The following ARHGAP8 variants were observed in gnomAD, a reference collection of about 807,000 sequenced individuals.
ARHGAP8 encodes rho GTPase-activating protein 8.
In ARHGAP8, 62 loss-of-function variants were observed where a neutral mutation model predicts 46.1. The ratio of observed to expected loss-of-function variants is 1.34; its 90% confidence interval spans 1.10 to 1.66. The LOEUF is 1.66. Ranked by LOEUF, ARHGAP8 falls within the 40% of genes most tolerant of loss-of-function variation. The pLI, the probability that ARHGAP8 is intolerant of heterozygous loss-of-function variation, is 0.00. For synonymous variants in ARHGAP8, 375 were observed against 243.1 expected, an observed-to-expected ratio of 1.54 and a Z score of -5.05; for missense variants, 923 against 568.4, an observed-to-expected ratio of 1.62 and a Z score of -6.34.
At position 44,790,676 on chromosome 22, in the gene ARHGAP8, C is replaced by CAAAAA. The variant is rs369579126; in HGVS notation, c.79+4089_79+4093dup. Among the ~76,000 whole-genome samples the CAAAAA allele has an allele frequency of 2.5e-3, 123 of 49,560 alleles. 3 individuals are homozygous for CAAAAA. Among genetic ancestry groups the CAAAAA allele is most frequent in the African/African-American group, 7.2e-3 (99 of 13,762 alleles). 32.5% of individuals were successfully genotyped at this position (49,560 alleles called of 152,430 possible). A position where few individuals can be genotyped will look rare whatever the true frequency, so the allele number is the denominator to read the frequency against. On this transcript the variant is annotated intron_variant, in intron 2 of 11. Coordinates refer to ENST00000356099, the MANE Select transcript of ARHGAP8 (RefSeq NM_181335.3). ...GGACAACAAGAGCAAAACTCTGTCT[C>CAAAAA]AAAAAAAAAAAAAAAAAAAAAAAGA...
intron 2 of ARHGAP8, among the ~76,000 whole-genome samples, chr22:44,789,440 T>C (rs886112703): frequency 1.3e-5 from 2 of 151,416 alleles, no homozygotes; most frequent in African/African-American, 4.9e-5. Flanking sequence ...TGTGAGCCAC[T>C]GCGCCCGGCC....
intron 1 of ARHGAP8, among the ~76,000 whole-genome samples, chr22:44,755,298 C>T (rs1030702271): frequency 1.3e-5 from 2 of 152,254 alleles, no homozygotes; most frequent in African/African-American, 4.8e-5. Context: ...CTGAGGTGTG[C>T]CTCCCACATG....
At position 44,797,314 on chromosome 22, in the gene ARHGAP8, C is replaced by T. The variant is rs945439497; in HGVS notation, c.80-4763C>T. The stretch of plus-strand genomic sequence containing the variant: ...GTTTCTTCAGTAGCCTTATAAATCA[C>T]CCATCACTTTAGGAGCAAAGTTGTT... On this transcript the variant is annotated intron_variant, in intron 2 of 11. Transcript: ENST00000356099. Among the ~76,000 whole-genome samples the T allele has an allele frequency of 2.6e-5, 4 of 151,138 alleles. No individual in the cohort carries two copies. The South Asian group carries it at 8.4e-4, about 32-fold the overall frequency.
intron 2 of ARHGAP8, chr22:44,801,851 G>T: frequency 5.2e-6 from 3 of 572,688 alleles, no homozygotes; most frequent in Non-Finnish European, 9.3e-6. Context: ...TCTGTAAAGT[G>T]GGGGGATTAT....
At chr22:44,762,290 G>A (rs558659733) in intron 1 of ARHGAP8, among the ~76,000 whole-genome samples, 1 of 152,182 alleles carries the variant, frequency 6.6e-6, no homozygotes, top group East Asian at 1.9e-4. Context: ...ACATGAAAAA[G>A]CCAGGTACAG....
intron 10 of ARHGAP8, among the ~76,000 whole-genome samples, chr22:44,859,053 C>T (rs145632522): frequency 4.6e-5 from 7 of 151,550 alleles, no homozygotes; most frequent in African/African-American, 1.7e-4. Context: ...AGATCTAAGC[C>T]ATGGGCCGTA....
chr22:44,763,797 CTTTTCTT>C (rs1925331145), intron 1 of ARHGAP8, among the ~76,000 whole-genome samples: 1 of 117,218 alleles, frequency 8.5e-6, no homozygotes, highest in Admixed American at 8.9e-5. Context: ...TTTTCTTTTT[CTTTTCTT>C]TTTTTTTTTT....
At chr22:44,839,873 C>T (rs1026661076) in intron 7 of ARHGAP8, among the ~76,000 whole-genome samples, 7 of 152,238 alleles carry the variant, frequency 4.6e-5, no homozygotes, top group Non-Finnish European at 8.8e-5. Context: ...GAGCAGAACT[C>T]GGCCAGGCGA....
chr22:44,859,819 G>C lies in ARHGAP8; in HGVS notation c.966G>C (p.Met322Ile). 2 of 1,613,876 alleles carry C rather than the reference G, an allele frequency of 1.2e-6. No homozygotes were observed. The highest frequency in any genetic ancestry group is 1.7e-6 in the Non-Finnish European group (2 of 1,179,946). ...EHNYVVLRYL[M>I]GFLHAVSRES... is the part of the protein sequence containing the mutation. ...ACTACGTCGTCCTCCGCTACCTCAT[G>C]GGCTTCCTGCATGCGGTGAGTGGGG... The change falls in exon 11 of 12, where the codon ATG (methionine) becomes ATC (isoleucine). Residue 322 changes from methionine (M) to isoleucine (I), a missense_variant. Met to Ile is a conservative substitution (Grantham distance 10). Transcript: ENST00000356099.
At chr22:44,783,945 A>AC (rs1927033274) in intron 1 of ARHGAP8, among the ~76,000 whole-genome samples, 1 of 151,574 alleles carries the variant, frequency 6.6e-6, no homozygotes, top group Non-Finnish European at 1.5e-5. Context: ...TCTTGTAAGG[A>AC]CCCCCTGCAA....
chr22:44,840,482 A>T (rs1166899542), intron 7 of ARHGAP8, among the ~76,000 whole-genome samples: 1 of 151,656 alleles, frequency 6.6e-6, no homozygotes, highest in Non-Finnish European at 1.5e-5. Context: ...GGTCTTTGTG[A>T]TCCTGTCCGG....
At chr22:44,814,588 G>A in intron 4 of ARHGAP8, 84 bp from the exon 5 acceptor site, 8 of 1,133,782 alleles carry the variant, frequency 7.1e-6, no homozygotes, top group Non-Finnish European at 7.8e-6. Context: ...GACTCACAGT[G>A]GAGGCAGCTG....
intron 10 of ARHGAP8, among the ~76,000 whole-genome samples, chr22:44,853,117 TAGTC>T (rs776416757): frequency 5.7e-5 from 5 of 87,560 alleles, no homozygotes; most frequent in African/African-American, 1.8e-4. Flanking sequence ...TCCATTTTTT[TAGTC>T]AGGAGAACAT....
intron 11 of ARHGAP8, among the ~76,000 whole-genome samples, chr22:44,860,210 C>G (rs563848513): frequency 6.6e-6 from 1 of 152,122 alleles, no homozygotes; most frequent in Non-Finnish European, 1.5e-5. Flanking sequence ...CTGACCATTC[C>G]TGGGGAAGGG....
chr22:44,792,644 C>G (rs375084059), intron 2 of ARHGAP8, among the ~76,000 whole-genome samples: 81 of 152,120 alleles, frequency 5.3e-4, no homozygotes, highest in African/African-American at 2.0e-3. Context: ...ATTTTTCTGT[C>G]CCAGCTGCTG....
chr22:44,803,008 T>C (rs578091436), intron 3 of ARHGAP8, among the ~76,000 whole-genome samples: 61 of 148,964 alleles, frequency 4.1e-4, no homozygotes, highest in African/African-American at 1.1e-3. Flanking sequence ...CTGCTGCTGC[T>C]GCCGCCACCA....
chr22:44,755,847 G>A (rs1924628899), intron 1 of ARHGAP8, among the ~76,000 whole-genome samples: 1 of 152,090 alleles, frequency 6.6e-6, no homozygotes, highest in African/African-American at 2.4e-5. Flanking sequence ...ACCGGGATGG[G>A]GCCTGCCTTC....
At chr22:44,804,887 C>T (rs1383574666) in intron 3 of ARHGAP8, among the ~76,000 whole-genome samples, 1 of 152,180 alleles carries the variant, frequency 6.6e-6, no homozygotes, top group South Asian at 2.1e-4. Flanking sequence ...GAGCAGGTGC[C>T]GGGAGCGACT....
At chr22:44,832,999 C>T (rs1461572998) in intron 7 of ARHGAP8, among the ~76,000 whole-genome samples, 2 of 151,846 alleles carry the variant, frequency 1.3e-5, no homozygotes, top group Non-Finnish European at 2.9e-5. Flanking sequence ...ACAAAAGAAT[C>T]AACAGTCCTT....
Sources: allele counts gnomAD v4.1 joint callset (sites outside exome capture counted in the v4.1 genomes callset), GRCh38; gene constraint gnomAD v4.1.1; transcripts MANE v1.5; gene names NCBI Gene and HGNC (gene_info 2026-07-23, HGNC 2026-07-21).